Variants in TRABD2B observed in about 807,000 individuals in gnomAD.
TRABD2B encodes metalloprotease TIKI2.
A neutral mutation model predicts 40.1 loss-of-function variants in TRABD2B; 14 were observed. The ratio of observed to expected loss-of-function variants is 0.35; its 90% confidence interval spans 0.23 to 0.55. TRABD2B has a LOEUF of 0.55. TRABD2B is among the 20% of genes least tolerant of loss of function. The pLI is 0.90. For missense variants in TRABD2B, 541 were observed against 648.6 expected (o/e 0.83, Z 1.80); for synonymous variants, 263 against 277.0 (o/e 0.95, Z 0.50).
chr1:47,867,432 G>A (rs1418859540), intron 2 of TRABD2B, among the ~76,000 whole-genome samples: 2 of 152,148 alleles, frequency 1.3e-5, no homozygotes, highest in Admixed American at 6.5e-5. Flanking sequence ...GCTGCTAGGA[G>A]GATTAAATAC....
At position 47,813,246 on chromosome 1, in the gene TRABD2B, G is replaced by A. The variant is rs1346117155; in HGVS notation, c.667-11627C>T. ...ACATAGCAATTACCAATTTGCAGAG[G>A]AGGGAGGGGGTCTCACAGGCCCTCC... On this transcript the variant is annotated intron_variant, in intron 2 of 6. Transcript: ENST00000606738. The surrounding 1 kb of genome is among the most constrained non-coding windows in gnomAD (Gnocchi z 4.3). 1.3e-5 allele frequency among the ~76,000 whole-genome samples: 2 copies of A among 152,154 alleles called. No homozygotes were observed. The highest frequency in any genetic ancestry group is 4.8e-5 in the African/African-American group (2 of 41,434).
chr1:47,905,127 A>G (rs1202570173), intron 2 of TRABD2B, among the ~76,000 whole-genome samples: 2 of 152,168 alleles, frequency 1.3e-5, no homozygotes, highest in Non-Finnish European at 2.9e-5. Context: ...CATGACTGCT[A>G]AAGCAGGGAT....
intron 2 of TRABD2B, among the ~76,000 whole-genome samples, chr1:47,894,180 ACT>A (rs1438357382): frequency 2.6e-5 from 4 of 152,178 alleles, no homozygotes; most frequent in Non-Finnish European, 5.9e-5. Flanking sequence ...CTACAATAAT[ACT>A]TAGGACTCTG....
intron 2 of TRABD2B, among the ~76,000 whole-genome samples, chr1:47,961,105 A>T (rs1645507662): frequency 6.6e-6 from 1 of 152,242 alleles, no homozygotes. Flanking sequence ...AAAACAAGAA[A>T]TGGGGAAAGG....
chr1:47,935,534 G>A (rs1009369781), intron 2 of TRABD2B, among the ~76,000 whole-genome samples: 1 of 152,204 alleles, frequency 6.6e-6, no homozygotes, highest in Non-Finnish European at 1.5e-5. Context: ...AGTGCACTAA[G>A]TAGGTAATAA....
At chr1:47,874,601 C>T (rs1644196954) in intron 2 of TRABD2B, among the ~76,000 whole-genome samples, 1 of 149,600 alleles carries the variant, frequency 6.7e-6, no homozygotes, top group East Asian at 2.0e-4. Flanking sequence ...ACAAGGTCTC[C>T]CTGTTGCTCA....
intron 2 of TRABD2B, among the ~76,000 whole-genome samples, chr1:47,924,943 A>T (rs918350774): frequency 1.3e-5 from 2 of 152,202 alleles, no homozygotes; most frequent in Admixed American, 6.5e-5. Context: ...AACCAGAGGC[A>T]GCGCTTGGCT....
At chr1:47,799,417 C>T (rs1482280387) in intron 3 of TRABD2B, among the ~76,000 whole-genome samples, 1 of 152,238 alleles carries the variant, frequency 6.6e-6, no homozygotes, top group Non-Finnish European at 1.5e-5. Context: ...CCTCACTTCT[C>T]TGCCACTGAG....
At chr1:47,781,402 G>A (rs1022140917) in intron 4 of TRABD2B, among the ~76,000 whole-genome samples, 3 of 152,132 alleles carry the variant, frequency 2.0e-5, no homozygotes, top group Non-Finnish European at 2.9e-5. Flanking sequence ...GCGTTTCTGG[G>A]ACTGAGTAGA....
At chr1:47,881,171 T>C (rs928343865) in intron 2 of TRABD2B, among the ~76,000 whole-genome samples, 22 of 152,148 alleles carry the variant, frequency 1.4e-4, no homozygotes, top group Non-Finnish European at 2.9e-4. Context: ...TCAACTTGGG[T>C]TGCAGTGGTG....
At chr1:47,780,383 C>T (rs1269319275) in intron 4 of TRABD2B, among the ~76,000 whole-genome samples, 1 of 152,198 alleles carries the variant, frequency 6.6e-6, no homozygotes, top group Non-Finnish European at 1.5e-5. Flanking sequence ...TGAAAAGATA[C>T]CTCCCTCTCT....
At chr1:47,878,638 A>G (rs1644257970) in intron 2 of TRABD2B, among the ~76,000 whole-genome samples, 1 of 152,272 alleles carries the variant, frequency 6.6e-6, no homozygotes, top group African/African-American at 2.4e-5. Context: ...AATGACAAAT[A>G]CAAAATCTAG....
At chr1:47,858,518 C>T (rs1014390617) in intron 2 of TRABD2B, among the ~76,000 whole-genome samples, 2 of 152,158 alleles carry the variant, frequency 1.3e-5, no homozygotes, top group South Asian at 2.1e-4. Flanking sequence ...CTCGGCCTCC[C>T]GAAATGTTGG....
At chr1:47,773,954 A>G (rs1644409367) in intron 6 of TRABD2B, among the ~76,000 whole-genome samples, 1 of 152,206 alleles carries the variant, frequency 6.6e-6, no homozygotes, top group Admixed American at 6.5e-5. Context: ...ACCTGGCTGT[A>G]GGAGATTCAT....
intron 2 of TRABD2B, among the ~76,000 whole-genome samples, chr1:47,850,229 C>A (rs1442278177): frequency 6.6e-6 from 1 of 152,224 alleles, no homozygotes; most frequent in Non-Finnish European, 1.5e-5. Context: ...TCAGCCAGGA[C>A]AGGGGCAAAG....
chr1:47,898,283 CTT>C (rs1339722604), intron 2 of TRABD2B, among the ~76,000 whole-genome samples: 2 of 152,218 alleles, frequency 1.3e-5, no homozygotes, highest in Non-Finnish European at 2.9e-5. Flanking sequence ...CCGCCCCAAT[CTT>C]TGAGCCCGGG....
chr1:47,994,632 C>T lies in TRABD2B; in HGVS notation c.103-35G>A, dbSNP rs773451705. The T allele has an allele frequency of 6.0e-6, 9 of 1,512,092 alleles. No homozygotes were observed. Among genetic ancestry groups the T allele is most frequent in the East Asian group, 2.5e-5 (1 of 40,744 alleles). The allele number at this position is 1,512,092 out of a possible 1,614,324, so 93.7% of individuals were successfully genotyped here. ...TAGAGAAGAGGCAAGGCAGTGAGGCCGAAGGCAACAGAGTAGAGTCAGGGT... is the reference window on the plus strand; with the variant it reads ...TAGAGAAGAGGCAAGGCAGTGAGGCTGAAGGCAACAGAGTAGAGTCAGGGT... On this transcript the variant is annotated intron_variant, in intron 1 of 6. Transcript: ENST00000606738. This position sits in a 1 kb window ranked among gnomAD's most constrained non-coding sequence, Gnocchi z 6.7.
At chr1:47,886,179 T>C (rs1472038002) in intron 2 of TRABD2B, among the ~76,000 whole-genome samples, 6 of 152,160 alleles carry the variant, frequency 3.9e-5, no homozygotes, top group Non-Finnish European at 7.3e-5. Flanking sequence ...AACCCATCAG[T>C]TCAAACCTGA....
chr1:47,971,371 G>A (rs1645680092), intron 2 of TRABD2B, among the ~76,000 whole-genome samples: 1 of 152,190 alleles, frequency 6.6e-6, no homozygotes, highest in Admixed American at 6.5e-5. Context: ...TGCAATAAAT[G>A]GGAAAACCCG....
Sources: allele counts gnomAD v4.1 joint callset (sites outside exome capture counted in the v4.1 genomes callset), GRCh38; gene constraint gnomAD v4.1.1; non-coding constraint Gnocchi (gnomAD v3.1); transcripts MANE v1.5; gene names NCBI Gene and HGNC (gene_info 2026-07-23, HGNC 2026-07-21).